The following GAS2 variants were observed in gnomAD, a reference collection of about 807,000 sequenced individuals.
GAS2 encodes the protein growth arrest specific 2, also known as growth arrest-specific protein 2.
GAS2 carries 20 observed loss-of-function variants against 37.5 expected under a neutral mutation model. That is an observed-to-expected ratio of 0.53 (90% CI 0.37 to 0.77). The LOEUF (loss-of-function observed/expected upper bound fraction) is 0.77. Among genes scored for constraint, GAS2 ranks in the 30% least tolerant of loss-of-function variants. The probability of loss-of-function intolerance (pLI) is 0.00; values close to 1 mark genes in which losing one functional copy is unlikely to be tolerated. For synonymous variants in GAS2, 144 were observed against 132.2 expected (o/e 1.09, Z -0.61); for missense variants, 336 against 373.4 (o/e 0.90, Z 0.82).
At chr11:22,678,340 T>TA (rs1280578998) in intron 2 of GAS2, among the ~76,000 whole-genome samples, 1 of 152,130 alleles carries the variant, frequency 6.6e-6, no homozygotes. Flanking sequence ...ACTTTGGAAA[T>TA]AGAGGAATTA....
chr11:22,674,302 G>C lies in GAS2; in HGVS notation c.-20-548G>C, dbSNP rs149383507. ...AGTCTTTGGGTGTACCTCTTCCCCT[G>C]CTTCTCACCCAGTTCTCTAAATTGT... On this transcript the variant is annotated intron_variant, in intron 1 of 7. Transcript: ENST00000454584. Among the ~76,000 whole-genome samples the C allele has an allele frequency of 3.6e-3, 544 of 151,846 alleles. 3 individuals are homozygous for C. The highest frequency in any genetic ancestry group is 0.017 in the Middle Eastern group (5 of 292).
Position 22,694,061 on chromosome 11 carries a change from G to A in GAS2, c.267+8272G>A, listed in dbSNP as rs550226913. ...GAGGATCAGGAAAAATAACTAATGGGTACTAGGCTTAATACCTGGGTGATT... is the reference window on the plus strand; with the variant it reads ...GAGGATCAGGAAAAATAACTAATGGATACTAGGCTTAATACCTGGGTGATT... On this transcript the variant is annotated intron_variant, in intron 3 of 7. Transcript: ENST00000454584. 5.9e-5 allele frequency among the ~76,000 whole-genome samples: 9 copies of A among 152,110 alleles called. No homozygotes were observed. The South Asian group carries it at 1.2e-3, about 21-fold the overall frequency.
rs542800103 is a variant in GAS2 at position 22,674,846 on chromosome 11, A to G, written c.-20-4A>G. On this transcript the variant is annotated splice_polypyrimidine_tract_variant and splice_region_variant and intron_variant, in intron 1 of 7. Coordinates refer to ENST00000454584, the MANE Select transcript of GAS2 (RefSeq NM_001143830.3). ...AAGCAATTGCTCTTTTGTTTCCAAA[A>G]CAGGTATTACAAGTGGATAAATAAT... 1 of 1,550,946 alleles carries G rather than the reference A, an allele frequency of 6.4e-7. No individual in the cohort carries two copies. The highest frequency in any genetic ancestry group is 2.0e-5 in the Admixed American group (1 of 49,124).
chr11:22,770,481 G>A (rs1854924142), intron 7 of GAS2, among the ~76,000 whole-genome samples: 1 of 152,182 alleles, frequency 6.6e-6, no homozygotes, highest in Admixed American at 6.5e-5. Context: ...GAAATTAAAC[G>A]TTTCACTTAC....
chr11:22,711,620 C>T (rs1394425739), intron 3 of GAS2, among the ~76,000 whole-genome samples: 1 of 152,186 alleles, frequency 6.6e-6, no homozygotes, highest in Non-Finnish European at 1.5e-5. Context: ...AAGATTTCAG[C>T]CATGCTCACA....
rs370368000 is a variant in GAS2, at chr11:22,812,062, A to G, written c.*46A>G. On this transcript the variant is annotated 3_prime_UTR_variant, in exon 8 of 8. Coordinates refer to ENST00000454584, the MANE Select transcript of GAS2 (RefSeq NM_001143830.3). The stretch of plus-strand genomic sequence containing the variant: ...GGGACCCTCATAATGGCCTGTATCC[A>G]CTTCTCCAGTATAGTCAGTTTAGTT... 1 of 1,358,728 alleles carries G rather than the reference A, an allele frequency of 7.4e-7. No individual in the cohort carries two copies. The highest frequency in any genetic ancestry group is 1.4e-5 in the African/African-American group (1 of 69,706). The allele number at this position is 1,358,728 out of a possible 1,614,324, so 84.2% of individuals were successfully genotyped here.
At chr11:22,660,391 C>A (rs1333152727) in intron 1 of GAS2, among the ~76,000 whole-genome samples, 1 of 152,164 alleles carries the variant, frequency 6.6e-6, no homozygotes, top group Non-Finnish European at 1.5e-5. Flanking sequence ...TTTAGGTACT[C>A]ACTTAACAAT....
intron 1 of GAS2, among the ~76,000 whole-genome samples, chr11:22,645,369 G>A (rs1170874574): frequency 6.6e-6 from 1 of 152,020 alleles, no homozygotes; most frequent in African/African-American, 2.4e-5. Flanking sequence ...TTAGCCAGGT[G>A]TGGTAGCATG....
intron 7 of GAS2, among the ~76,000 whole-genome samples, chr11:22,768,635 T>C (rs976729047): frequency 6.6e-6 from 1 of 152,222 alleles, no homozygotes; most frequent in African/African-American, 2.4e-5. Context: ...CTTTCTGACC[T>C]TTTGTTGTTG....
chr11:22,727,231 C>T (rs1852259426), intron 4 of GAS2, among the ~76,000 whole-genome samples: 1 of 151,930 alleles, frequency 6.6e-6, no homozygotes, highest in Non-Finnish European at 1.5e-5. Context: ...CTCATTTTTG[C>T]AAAATGCAAC....
intron 1 of GAS2, among the ~76,000 whole-genome samples, chr11:22,632,409 A>G (rs1858756418): frequency 6.6e-6 from 1 of 152,202 alleles, no homozygotes; most frequent in Non-Finnish European, 1.5e-5. Context: ...GCTTCTGCTG[A>G]GAAGTCTGCT....
At chr11:22,734,641 A>G (rs777145036) in intron 4 of GAS2, among the ~76,000 whole-genome samples, 18 of 151,782 alleles carry the variant, frequency 1.2e-4, no homozygotes, top group Non-Finnish European at 2.4e-4. Context: ...GTTATTTTCT[A>G]TGTGCCAAGT....
intron 4 of GAS2, among the ~76,000 whole-genome samples, chr11:22,731,044 T>A (rs949306737): frequency 2.0e-5 from 3 of 151,820 alleles, no homozygotes; most frequent in South Asian, 2.1e-4. Context: ...ATGAAATTGA[T>A]GCTTTTATGT....
chr11:22,671,859 A>G (rs1849215389), intron 1 of GAS2, among the ~76,000 whole-genome samples: 2 of 152,124 alleles, frequency 1.3e-5, no homozygotes, highest in African/African-American at 4.8e-5. Flanking sequence ...CCAAATTTTG[A>G]TCATGCTAGC....
chr11:22,713,485 A>C (rs1453601523), intron 3 of GAS2, among the ~76,000 whole-genome samples: 2 of 152,182 alleles, frequency 1.3e-5, no homozygotes, highest in Non-Finnish European at 2.9e-5. Context: ...TAGATATCCA[A>C]ATACAAGAAG....
At chr11:22,798,627 G>T (rs1423222870) in intron 7 of GAS2, among the ~76,000 whole-genome samples, 1 of 152,042 alleles carries the variant, frequency 6.6e-6, no homozygotes, top group African/African-American at 2.4e-5. Flanking sequence ...AATTCCAGAA[G>T]CTTGTTTATT....
intron 7 of GAS2, among the ~76,000 whole-genome samples, chr11:22,794,809 T>C (rs528298627): frequency 1.3e-5 from 2 of 152,238 alleles, no homozygotes; most frequent in South Asian, 4.1e-4. Flanking sequence ...AGTGAATTTA[T>C]CCGTTTGATT....
chr11:22,751,527 T>C (rs369595710), intron 6 of GAS2, among the ~76,000 whole-genome samples: 1 of 152,000 alleles, frequency 6.6e-6, no homozygotes. Flanking sequence ...TTTGGATATA[T>C]TATCAATGTA....
chr11:22,788,429 G>C (rs550575905), intron 7 of GAS2, among the ~76,000 whole-genome samples: 9 of 152,126 alleles, frequency 5.9e-5, no homozygotes, highest in African/African-American at 1.4e-4. Context: ...TGTATTGTAG[G>C]AGATTTCACT....
Sources: allele counts gnomAD v4.1 joint callset (sites outside exome capture counted in the v4.1 genomes callset), GRCh38; gene constraint gnomAD v4.1.1; transcripts MANE v1.5; gene names NCBI Gene and HGNC (gene_info 2026-07-23, HGNC 2026-07-21).